KNTC1: variants seen among roughly 807,000 people sequenced by gnomAD.
KNTC1 encodes the protein kinetochore associated 1, also known as kinetochore-associated protein 1.
A neutral mutation model predicts 314.4 loss-of-function variants in KNTC1; 253 were observed. That is an observed-to-expected ratio of 0.80 (90% confidence interval 0.73 to 0.89). KNTC1 has a LOEUF of 0.89. Among genes scored for constraint, KNTC1 ranks in the 40% least tolerant of loss-of-function variants. The pLI is 0.00. For missense variants in KNTC1, 2,475 were observed against 2,572.9 expected, an observed-to-expected ratio of 0.96 and a Z score of 0.82; for synonymous variants, 901 against 901.4, an observed-to-expected ratio of 1.00 and a Z score of 0.01.
At chr12:122,542,187 T>C in intron 6 of KNTC1, 60 bp downstream of exon 6, 4 of 1,176,276 alleles carry the variant, frequency 3.4e-6, no homozygotes, top group South Asian at 3.0e-5. Context: ...GTTTTATTAA[T>C]GTAATAGTAA....
chr12:122,527,633 TCCCCTTCTA>T (rs1367371635), intron 1 of KNTC1: 1 of 152,244 alleles, frequency 6.6e-6, no homozygotes, highest in Non-Finnish European at 1.5e-5. Context: ...TTTGCTGAGT[TCCCCTTCTA>T]CCCCTTGTAC....
rs181166319 is a variant in KNTC1, at chr12:122,567,821, G to A, written c.1605-440G>A. Among the ~76,000 whole-genome samples the A allele has an allele frequency of 9.2e-5, 14 of 152,198 alleles. No homozygotes were observed. The South Asian group carries it at 2.5e-3, about 27-fold the overall frequency. The stretch of plus-strand genomic sequence containing the variant: ...CCACTTCACTGCAGCCTGGGTGACA[G>A]TGAGACTCCAGCTCAAAAAAATAAA... On this transcript the variant is annotated intron_variant, in intron 20 of 63. Transcript: ENST00000333479.
intron 5 of KNTC1, among the ~76,000 whole-genome samples, chr12:122,540,697 A>G (rs1962237600): frequency 6.6e-6 from 1 of 152,140 alleles, no homozygotes; most frequent in South Asian, 2.1e-4. Context: ...TTTTACTTCA[A>G]CAAGTGTTAA....
chr12:122,539,173 A>G (rs1483563446), intron 4 of KNTC1, among the ~76,000 whole-genome samples: 1 of 152,180 alleles, frequency 6.6e-6, no homozygotes, highest in African/African-American at 2.4e-5. Flanking sequence ...CAGCTAACTC[A>G]GGAGCAGGCA....
Position 122,562,616 on chromosome 12 carries a change from TATTAA to T in KNTC1, c.1543-17_1543-13del, listed in dbSNP as rs1393825608. On this transcript the variant is annotated splice_polypyrimidine_tract_variant and intron_variant, in intron 19 of 63. Transcript: ENST00000333479. ...AATATTGTTGCATATAAATTCAGAT[TATTAA>T]ATTATTTTTTCTTCAGGTGCTAAGA... 8.5e-6 allele frequency: 12 copies of T among 1,404,358 alleles called. No individual in the cohort carries two copies. Among genetic ancestry groups the T allele is most frequent in the East Asian group, 2.3e-5 (1 of 42,726 alleles). 87.0% of individuals were successfully genotyped at this position (1,404,358 alleles called of 1,614,324 possible). A position where few individuals can be genotyped will look rare whatever the true frequency, so the allele number is the denominator to read the frequency against.
intron 28 of KNTC1, 51 bp downstream of exon 28, chr12:122,575,697 T>A (rs903586019): frequency 1.3e-6 from 2 of 1,482,622 alleles, no homozygotes; most frequent in African/African-American, 1.4e-5. Flanking sequence ...AGAAACATTG[T>A]GTTTTGAGTT....
chr12:122,576,020 T>G (rs1964992766), intron 29 of KNTC1, 121 bp downstream of exon 29: 1 of 1,188,500 alleles, frequency 8.4e-7, no homozygotes, highest in Admixed American at 3.0e-5. Flanking sequence ...ACATTTCTTT[T>G]GTTAGATATG....
chr12:122,535,692 T>G (rs1961743185), intron 3 of KNTC1, among the ~76,000 whole-genome samples: 1 of 151,586 alleles, frequency 6.6e-6, no homozygotes, highest in South Asian at 2.1e-4. Context: ...GGCATACACC[T>G]GTAATCCCAG....
At chr12:122,568,165 G>C (rs1312140698) in intron 20 of KNTC1, 96 bp from the exon 21 acceptor site, 1 of 673,170 alleles carries the variant, frequency 1.5e-6, no homozygotes, top group Admixed American at 2.8e-5. Context: ...TTATGAAGAA[G>C]AAAACTAATT....
chr12:122,547,670 A>G (rs1205340274), intron 11 of KNTC1, 140 bp downstream of exon 11: 3 of 664,258 alleles, frequency 4.5e-6, no homozygotes, highest in East Asian at 2.7e-5. Context: ...ACCGTTTGCA[A>G]AATTCACTGG....
chr12:122,620,406 T>C (rs1874297078), intron 59 of KNTC1, 73 bp from the exon 60 acceptor site: 1 of 1,419,298 alleles, frequency 7.0e-7, no homozygotes. Context: ...CAGATGACTA[T>C]GGAAAGCTAG....
chr12:122,553,445 A>G (rs1434527794), intron 16 of KNTC1, among the ~76,000 whole-genome samples: 2 of 152,106 alleles, frequency 1.3e-5, no homozygotes, highest in African/African-American at 4.8e-5. Context: ...CCTTGAGGTC[A>G]GGTGTTTGAG....
chr12:122,564,631 G>T (rs1964184586), intron 20 of KNTC1, among the ~76,000 whole-genome samples: 1 of 151,868 alleles, frequency 6.6e-6, no homozygotes, highest in Admixed American at 6.6e-5. Flanking sequence ...ACCACATCTG[G>T]CTAATTTTTT....
At chr12:122,586,890 G>A in intron 38 of KNTC1, 133 bp downstream of exon 38, 1 of 206,670 alleles carries the variant, frequency 4.8e-6, no homozygotes, top group Non-Finnish European at 9.1e-6. Flanking sequence ...GGAGCTCACT[G>A]CAACCTCTCC....
At chr12:122,587,187 G>A (rs1011101737) in intron 38 of KNTC1, among the ~76,000 whole-genome samples, 10 of 152,184 alleles carry the variant, frequency 6.6e-5, no homozygotes, top group African/African-American at 9.6e-5. Flanking sequence ...GCTGAGGTGG[G>A]AGGATCTCTT....
rs1392612380 is a variant in KNTC1, at chr12:122,568,290, A to G, written c.1634A>G (p.Asn545Ser). The G allele has an allele frequency of 1.3e-6, 2 of 1,572,344 alleles. No homozygotes were observed. The highest frequency in any genetic ancestry group is 1.1e-5 in the South Asian group (1 of 88,598). The change falls in exon 21 of 64, where the codon AAT (asparagine) becomes AGT (serine). Residue 545 changes from asparagine to serine, a missense_variant. By Grantham distance (46) the Asn-to-Ser change is conservative. Coordinates refer to ENST00000333479, the MANE Select transcript of KNTC1 (RefSeq NM_014708.6). The part of the protein sequence containing the change: ...SGSSWIEFLN[N>S]EDDLKDIFLQ... ...AGTTCTTGGATTGAATTTCTAAATA[A>G]TGAAGATGATCTTAAAGATATTTTT...
At chr12:122,595,267 A>G (rs1415708927) in intron 43 of KNTC1, among the ~76,000 whole-genome samples, 1 of 152,228 alleles carries the variant, frequency 6.6e-6, no homozygotes, top group Non-Finnish European at 1.5e-5. Context: ...TATATCTCAG[A>G]TGTTTCTGTC....
chr12:122,586,329 G>A (rs1324659050), intron 37 of KNTC1, among the ~76,000 whole-genome samples: 5 of 152,048 alleles, frequency 3.3e-5, no homozygotes, highest in Non-Finnish European at 5.9e-5. Context: ...TGATCTGCCC[G>A]CCTCAGCCTT....
chr12:122,615,162 A>G, intron 56 of KNTC1, 76 bp downstream of exon 56: 1 of 1,041,180 alleles, frequency 9.6e-7, no homozygotes, highest in Non-Finnish European at 1.4e-6. Flanking sequence ...TTTTGGATTG[A>G]TACTTGTTAT....
Sources: allele counts gnomAD v4.1 joint callset (sites outside exome capture counted in the v4.1 genomes callset), GRCh38; gene constraint gnomAD v4.1.1; transcripts MANE v1.5; gene names NCBI Gene and HGNC (gene_info 2026-07-23, HGNC 2026-07-21).